Variants in PCDH9 observed in about 807,000 individuals in gnomAD.
The protein encoded by PCDH9 is protocadherin 9.
Under a neutral mutation model 70.6 loss-of-function variants are expected in PCDH9, and 24 were observed. That is an observed-to-expected ratio of 0.34 (90% CI 0.25 to 0.48). The LOEUF (loss-of-function observed/expected upper bound fraction) is 0.48, where lower values mean the gene tolerates loss of function less well. Ranked by LOEUF, PCDH9 falls within the 20% of genes least tolerant of loss-of-function variation. The pLI, the probability that PCDH9 is intolerant of heterozygous loss-of-function variation, is 0.99. For synonymous variants in PCDH9, 562 were observed against 558.5 expected, an observed-to-expected ratio of 1.01 and a Z score of -0.09; for missense variants, 1,281 against 1,503.6, an observed-to-expected ratio of 0.85 and a Z score of 2.45.
chr13:66,986,291 A>G (rs2083890745), intron 2 of PCDH9, among the ~76,000 whole-genome samples: 1 of 152,046 alleles, frequency 6.6e-6, no homozygotes, highest in Non-Finnish European at 1.5e-5. Flanking sequence ...TGTCCCTCCC[A>G]TGACAGTGGG....
chr13:66,846,599 T>C (rs1486361172), intron 3 of PCDH9, among the ~76,000 whole-genome samples: 2 of 152,188 alleles, frequency 1.3e-5, no homozygotes, highest in Non-Finnish European at 1.5e-5. Context: ...TCTTGCTTTA[T>C]ATTTTATCTT....
chr13:66,586,684 T>C (rs2076967791), intron 4 of PCDH9, among the ~76,000 whole-genome samples: 1 of 152,124 alleles, frequency 6.6e-6, no homozygotes, highest in African/African-American at 2.4e-5. Flanking sequence ...GATTGTGTGG[T>C]GAAATATATT....
At chr13:66,649,478 T>G (rs1489589453) in intron 3 of PCDH9, among the ~76,000 whole-genome samples, 1 of 151,900 alleles carries the variant, frequency 6.6e-6, no homozygotes, top group Non-Finnish European at 1.5e-5. Flanking sequence ...CCTTCAAACA[T>G]GAAGGACAAA....
At chr13:67,090,656 G>A (rs925734109) in intron 2 of PCDH9, among the ~76,000 whole-genome samples, 1 of 151,748 alleles carries the variant, frequency 6.6e-6, no homozygotes, top group African/African-American at 2.4e-5. Flanking sequence ...TGACAATGAA[G>A]TTCTGAAATG....
chr13:66,885,716 T>C (rs960555811), intron 3 of PCDH9, among the ~76,000 whole-genome samples: 8 of 152,044 alleles, frequency 5.3e-5, no homozygotes, highest in Middle Eastern at 3.2e-3. Flanking sequence ...AAACTTAATT[T>C]CTCCTCTATA....
At chr13:66,405,338 A>G (rs1225291533) in intron 4 of PCDH9, among the ~76,000 whole-genome samples, 2 of 152,222 alleles carry the variant, frequency 1.3e-5, no homozygotes, top group African/African-American at 2.4e-5. Context: ...TTGCTGTGAT[A>G]GCAAAATTTG....
At chr13:66,569,302 G>A (rs1700005750) in intron 4 of PCDH9, among the ~76,000 whole-genome samples, 1 of 151,966 alleles carries the variant, frequency 6.6e-6, no homozygotes, top group African/African-American at 2.4e-5. Flanking sequence ...ACAGGCATGA[G>A]CCACTACACC....
intron 3 of PCDH9, among the ~76,000 whole-genome samples, chr13:66,725,933 G>C (rs1361020657): frequency 6.6e-6 from 1 of 152,114 alleles, no homozygotes; most frequent in East Asian, 1.9e-4. Context: ...CTAATATTAG[G>C]TTGGTGTTGG....
At chr13:66,876,253 A>G (rs1373991705) in intron 3 of PCDH9, among the ~76,000 whole-genome samples, 1 of 152,172 alleles carries the variant, frequency 6.6e-6, no homozygotes, top group Non-Finnish European at 1.5e-5. Flanking sequence ...AGAGTAAGAA[A>G]GTAAAAAAAA....
intron 4 of PCDH9, among the ~76,000 whole-genome samples, chr13:66,596,279 G>T (rs1265387277): frequency 6.6e-6 from 1 of 151,544 alleles, no homozygotes; most frequent in Non-Finnish European, 1.5e-5. Flanking sequence ...AAACTTATCT[G>T]TTCTCTGTCT....
chr13:66,354,941 C>T (rs1956354974), intron 4 of PCDH9, among the ~76,000 whole-genome samples: 1 of 152,104 alleles, frequency 6.6e-6, no homozygotes, highest in Non-Finnish European at 1.5e-5. Flanking sequence ...ATACAAGTTG[C>T]TAAAACCCAT....
At chr13:66,564,613 A>T (rs1018804649) in intron 4 of PCDH9, among the ~76,000 whole-genome samples, 2 of 139,620 alleles carry the variant, frequency 1.4e-5, no homozygotes, top group African/African-American at 5.1e-5. Flanking sequence ...ATACAAGACA[A>T]TTTTAAAAAC....
chr13:67,047,385 A>C (rs2085243177), intron 2 of PCDH9, among the ~76,000 whole-genome samples: 1 of 152,248 alleles, frequency 6.6e-6, no homozygotes, highest in South Asian at 2.1e-4. Flanking sequence ...TGACATCTGC[A>C]ATAGACAACA....
rs190630768 is a variant in PCDH9, at chr13:66,777,512, C to A, written c.3138+125992G>T. On this transcript the variant is annotated intron_variant, in intron 3 of 4. Transcript: ENST00000377865. ...TCTCAAAAGAAGACATTTATGCGGC[C>A]AAAAAACACATGAAAAAATGCTCAC... Among the ~76,000 whole-genome samples the A allele has an allele frequency of 8.7e-3, 1,318 of 152,086 alleles. 15 individuals carry two copies. The highest frequency in any genetic ancestry group is 0.014 in the Non-Finnish European group (925 of 67,978).
intron 2 of PCDH9, among the ~76,000 whole-genome samples, chr13:66,949,770 G>A (rs990436527): frequency 1.3e-5 from 2 of 152,004 alleles, no homozygotes; most frequent in African/African-American, 2.4e-5. Context: ...AGTTAAAGGC[G>A]AAAGGATACT....
At chr13:66,496,527 A>G (rs921883004) in intron 4 of PCDH9, among the ~76,000 whole-genome samples, 1 of 152,226 alleles carries the variant, frequency 6.6e-6, no homozygotes, top group African/African-American at 2.4e-5. Context: ...AGTGCTATGA[A>G]CTTAAAAATA....
chr13:66,702,099 G>A (rs1012005180), intron 3 of PCDH9, among the ~76,000 whole-genome samples: 3 of 152,092 alleles, frequency 2.0e-5, no homozygotes, highest in Non-Finnish European at 4.4e-5. Flanking sequence ...TAGCAAAATA[G>A]GCAATACACA....
intron 2 of PCDH9, among the ~76,000 whole-genome samples, chr13:67,093,800 C>A (rs2086266648): frequency 6.6e-6 from 1 of 152,128 alleles, no homozygotes; most frequent in Non-Finnish European, 1.5e-5. Flanking sequence ...AATGGTGGTG[C>A]AACCTGGGGT....
intron 4 of PCDH9, among the ~76,000 whole-genome samples, chr13:66,439,235 T>C (rs910527903): frequency 3.3e-5 from 5 of 152,190 alleles, no homozygotes; most frequent in Non-Finnish European, 5.9e-5. Flanking sequence ...CTGAGTTTTA[T>C]CTGAGATGGC....
Sources: allele counts gnomAD v4.1 joint callset (sites outside exome capture counted in the v4.1 genomes callset), GRCh38; gene constraint gnomAD v4.1.1; transcripts MANE v1.5; gene names NCBI Gene and HGNC (gene_info 2026-07-23, HGNC 2026-07-21).